MYH1: variants seen among roughly 807,000 people sequenced by gnomAD.
MYH1 encodes the protein myosin-1.
Under a neutral mutation model 225.6 loss-of-function variants are expected in MYH1, and 214 were observed. That is an observed-to-expected ratio of 0.95 (90% CI 0.85 to 1.06). The LOEUF is 1.06. MYH1 is among the 50% of genes least tolerant of loss of function. The probability of loss-of-function intolerance (pLI) is 0.00; values close to 1 mark genes in which losing one functional copy is unlikely to be tolerated. For missense variants in MYH1, 2,098 were observed against 2,344.2 expected, an observed-to-expected ratio of 0.89 and a Z score of 2.17; for synonymous variants, 774 against 842.3, an observed-to-expected ratio of 0.92 and a Z score of 1.40.
chr17:10,503,224 C>T lies in MYH1; in HGVS notation c.2716G>A (p.Glu906Lys). The change falls in exon 23 of 40, where the codon GAG (glutamate) becomes AAG (lysine). Residue 906 changes from glutamate to lysine, a missense_variant. Glu to Lys is a moderately conservative substitution (Grantham distance 56). Coordinates refer to ENST00000226207, the MANE Select transcript of MYH1 (RefSeq NM_005963.4). ...TTGATTAGCTGGTCACACCTTTCCTCTGCATCAGCCAAGCTGTCAGCTTCC... is the reference window on the plus strand; with the variant it reads ...TTGATTAGCTGGTCACACCTTTCCTTTGCATCAGCCAAGCTGTCAGCTTCC... Reference protein sequence around the residue: ...QAEADSLADAEERCDQLIKTK... With the variant: ...QAEADSLADAKERCDQLIKTK... The T allele has an allele frequency of 2.5e-6, 4 of 1,614,176 alleles. No homozygotes were observed. The highest frequency in any genetic ancestry group is 1.3e-5 in the African/African-American group (1 of 75,036).
rs1293026917 is a variant in MYH1, at chr17:10,496,172, T to C, written c.4966-19A>G. ...GGGTATCCTGTGGAACAAACCGTCA[T>C]TGAGACACCATGTATTCAGGGTTGC... is the stretch of plus-strand genomic sequence containing the variant. On this transcript the variant is annotated intron_variant, in intron 34 of 39. Coordinates refer to ENST00000226207, the MANE Select transcript of MYH1 (RefSeq NM_005963.4). 6.2e-7 allele frequency: 1 copy of C among 1,614,196 alleles called. No homozygotes were observed. Among genetic ancestry groups the C allele is most frequent in the South Asian group, 1.1e-5 (1 of 91,084 alleles).
Position 10,516,617 on chromosome 17 carries a change from A to G in MYH1, c.26T>C (p.Ile9Thr). 1 of 1,614,184 alleles carries G rather than the reference A, an allele frequency of 6.2e-7. No homozygotes were observed. Among genetic ancestry groups the G allele is most frequent in the Non-Finnish European group, 8.5e-7 (1 of 1,180,016 alleles). MSSDSEMA[I>T]FGEAAPFLRK... ...GAGGAAAGGAGCAGCCTCCCCAAAA[A>G]TGGCCATCTCAGAGTCGGAACTCAT... Residue 9 changes from isoleucine to threonine, a missense_variant, in exon 3 of 40, where the codon ATT (isoleucine) becomes ACT (threonine). By Grantham distance (89) the Ile-to-Thr change is moderately conservative (BLOSUM62 -1). Coordinates refer to ENST00000226207, the MANE Select transcript of MYH1 (RefSeq NM_005963.4).
At position 10,503,336 on chromosome 17, in the gene MYH1, A is replaced by G. The variant is rs966057027; in HGVS notation, c.2692-88T>C. The G allele has an allele frequency of 5.2e-6, 8 of 1,534,584 alleles. No individual in the cohort carries two copies. In the Admixed American group the frequency reaches 1.0e-4, roughly 19 times the overall value. On this transcript the variant is annotated intron_variant, in intron 22 of 39. Coordinates refer to ENST00000226207, the MANE Select transcript of MYH1 (RefSeq NM_005963.4). ...TAATATTTTGAAACCAAACAAGTAA[A>G]TTGTTTTAAGCCTTCAGGTTAATTT...
rs557407807 is a variant in MYH1 at position 10,507,167 on chromosome 17, G to A, written c.1968+719C>T. ...CAACCTCTGCCTCCTGGGTTCAAGC[G>A]ATTCTCATGCCCAGCCTCCTGAGTA... On this transcript the variant is annotated intron_variant, in intron 17 of 39. Transcript: ENST00000226207. Among the ~76,000 whole-genome samples, 59 of 152,102 alleles carry A rather than the reference G, an allele frequency of 3.9e-4. 1 individual carries two copies. Among genetic ancestry groups the A allele is most frequent in the Admixed American group, 4.6e-4 (7 of 15,286 alleles).
chr17:10,510,188 T>C (rs1446008674), intron 14 of MYH1, among the ~76,000 whole-genome samples: 1 of 152,146 alleles, frequency 6.6e-6, no homozygotes, highest in Non-Finnish European at 1.5e-5. Context: ...ATAGTATTTG[T>C]TTTTGTTAGT....
In MYH1 at chr17:10,508,087, C is replaced by T. The variant is rs1214360961; in HGVS notation, c.1898-131G>A. ...AGGCTGGAGTGCAGTGGCGTGATCT[C>T]GGCTCACTGCAACCTCCACCTCCTG... On this transcript the variant is annotated intron_variant, in intron 16 of 39. Transcript: ENST00000226207. 6.6e-6 allele frequency: 5 copies of T among 754,198 alleles called. No individual in the cohort carries two copies. The African/African-American group carries it at 7.2e-5, about 11-fold the overall frequency. The allele number at this position is 754,198 out of a possible 1,614,324, so 46.7% of individuals were successfully genotyped here.
chr17:10,500,714 T>C lies in MYH1; in HGVS notation c.3777A>G (p.Gln1259=), dbSNP rs2073044892. 33 of 1,614,184 alleles carry C rather than the reference T, an allele frequency of 2.0e-5. No homozygotes were observed. Among genetic ancestry groups the C allele is most frequent in the Non-Finnish European group, 2.8e-5 (33 of 1,180,034 alleles). The part of the protein sequence containing the change: ...LEKMCRALED[Q]LSEIKTKEEE... ...CTTCCTTGGTCTTAATTTCACTCAG[T>C]TGATCTTCTAGAGCGCGGCACATCT... The change falls in exon 28 of 40, where the codon CAA becomes CAG. Residue 1259 remains glutamine, a synonymous_variant. Transcript: ENST00000226207.
intron 14 of MYH1, 80 bp downstream of exon 14, chr17:10,511,759 G>T: frequency 6.2e-7 from 1 of 1,603,568 alleles, no homozygotes; most frequent in South Asian, 1.1e-5. Context: ...TTCCATAAGT[G>T]ACTACAGGCA....
rs200741359 is a variant in MYH1 at position 10,501,151 on chromosome 17, C to G, written c.3697G>C (p.Asp1233His). ...GTCTCCATGTTACTAGCAAGGTCATCGATCTCCATCTTCATCTCACTCTTC... is the reference window on the plus strand; with the variant it reads ...GTCTCCATGTTACTAGCAAGGTCATGGATCTCCATCTTCATCTCACTCTTC... ...KEKSEMKMEIDDLASNMETVS... is the reference protein window; with the variant it reads ...KEKSEMKMEIHDLASNMETVS... Residue 1233 changes from aspartate (D) to histidine (H), a missense_variant, in exon 27 of 40, where the codon GAT (aspartate) becomes CAT (histidine). Coordinates refer to ENST00000226207, the MANE Select transcript of MYH1 (RefSeq NM_005963.4). 1.9e-6 allele frequency: 3 copies of G among 1,614,144 alleles called. No individual in the cohort carries two copies. Among genetic ancestry groups the G allele is most frequent in the East Asian group, 4.5e-5 (2 of 44,890 alleles).
Position 10,495,337 on chromosome 17 carries a change from T to C in MYH1, c.5170-20A>G, listed in dbSNP as rs1458960233. The C allele has an allele frequency of 6.2e-7, 1 of 1,613,930 alleles. No individual in the cohort carries two copies. Among genetic ancestry groups the C allele is most frequent in the South Asian group, 1.1e-5 (1 of 91,062 alleles). On this transcript the variant is annotated intron_variant, in intron 35 of 39. Transcript: ENST00000226207. Reference sequence around the variant, plus strand: ...GGTGTTCTGTTTAAAATGTGAAATTTAGAAATATTAGGCACATGAGAGAAA... The same window carrying C: ...GGTGTTCTGTTTAAAATGTGAAATTCAGAAATATTAGGCACATGAGAGAAA...
chr17:10,509,776 A>G, intron 14 of MYH1, 121 bp from the exon 15 acceptor site: 1 of 1,536,910 alleles, frequency 6.5e-7, no homozygotes, highest in Non-Finnish European at 8.9e-7. Flanking sequence ...TCCTACCTAT[A>G]CCTACACAAT....
intron 24 of MYH1, 71 bp downstream of exon 24, chr17:10,502,667 C>A: frequency 1.2e-5 from 20 of 1,607,280 alleles, no homozygotes; most frequent in Non-Finnish European, 1.6e-5. Flanking sequence ...TATATCATAA[C>A]GACACAAACT....
chr17:10,501,791 G>A lies in MYH1; in HGVS notation c.3232C>T (p.Gln1078Ter). The A allele has an allele frequency of 6.2e-7, 1 of 1,613,632 alleles. No individual in the cohort carries two copies. Among genetic ancestry groups the A allele is most frequent in the Admixed American group, 1.7e-5 (1 of 59,970 alleles). ...ESTMDIENDK[Q>*]QLDEKLKKKE... Reference sequence around the variant, plus strand: ...TTTTTAAGCTTTTCATCAAGTTGTTGTTTGTCATTTTCTATATCCATTGTG... The same window carrying A: ...TTTTTAAGCTTTTCATCAAGTTGTTATTTGTCATTTTCTATATCCATTGTG... The change falls in exon 25 of 40, where the codon CAA becomes TAA. Residue 1078 changes from glutamine (Q) to a stop codon, truncating the protein, a stop_gained. Coordinates refer to ENST00000226207, the MANE Select transcript of MYH1 (RefSeq NM_005963.4). LOFTEE classifies it high-confidence loss of function.
At chr17:10,507,822 C>A in intron 17 of MYH1, 64 bp downstream of exon 17, 1 of 1,412,528 alleles carries the variant, frequency 7.1e-7, no homozygotes, top group Non-Finnish European at 9.9e-7. Flanking sequence ...TAGTTTTTTC[C>A]CCCACACCAT....
Position 10,508,560 on chromosome 17 carries a change from T to C in MYH1, c.1700A>G (p.Gln567Arg), listed in dbSNP as rs138632167. The C allele has an allele frequency of 9.3e-6, 15 of 1,614,086 alleles. No homozygotes were observed. The highest frequency in any genetic ancestry group is 1.1e-5 in the Non-Finnish European group (13 of 1,180,044). Residue 567 changes from glutamine (Q) to arginine (R), a missense_variant, in exon 16 of 40, where the codon CAG becomes CGG. Coordinates refer to ENST00000226207, the MANE Select transcript of MYH1 (RefSeq NM_005963.4). ...CTTGCCTTTGGCAGGCTTGGGCTTC[T>C]GGAAGTTATTGGATTTTCCAAGATG... Reference protein sequence around the residue: ...EQHLGKSNNFQKPKPAKGKPE... With the variant: ...EQHLGKSNNFRKPKPAKGKPE...
Position 10,501,855 on chromosome 17 carries a change from CTT to C in MYH1, c.3166_3167del (p.Lys1056GlufsTer20), listed in dbSNP as rs1239251841. 1.2e-6 allele frequency: 2 copies of C among 1,613,598 alleles called. No homozygotes were observed. Among genetic ancestry groups the C allele is most frequent in the African/African-American group, 2.7e-5 (2 of 75,036 alleles). On this transcript the variant is annotated frameshift_variant, in exon 25 of 40. Coordinates refer to ENST00000226207, the MANE Select transcript of MYH1 (RefSeq NM_005963.4). LOFTEE classifies it high-confidence loss of function. ...KKIRMDLERA[K>X]RKLEGDLKLA... Reference sequence around the variant, plus strand: ...ATTTTAGGTCTCCCTCTAGTTTTCTCTTTGCTCTTTCTAGATCCATCCGGATT... The same window carrying C: ...ATTTTAGGTCTCCCTCTAGTTTTCTCTGCTCTTTCTAGATCCATCCGGATT...
chr17:10,515,309 C>T (rs1175100081), intron 5 of MYH1, among the ~76,000 whole-genome samples: 1 of 152,124 alleles, frequency 6.6e-6, no homozygotes, highest in Non-Finnish European at 1.5e-5. Flanking sequence ...GCCCTAACTT[C>T]GATCAGCCTT....
rs756672201 is a variant in MYH1 at position 10,504,839 on chromosome 17, T to C, written c.2662A>G (p.Lys888Glu). The change falls in exon 22 of 40, where the codon AAA becomes GAA. Residue 888 changes from lysine (K) to glutamate (E), a missense_variant. By Grantham distance (56) the Lys-to-Glu change is moderately conservative. Transcript: ENST00000226207. ...EEKMVTLMQEKNDLQLQVQAE... is the reference protein window; with the variant it reads ...EEKMVTLMQEENDLQLQVQAE... ...TGAACCTGGAGTTGCAAGTCATTTTTTTCTTGCATCAGAGTAACCATTTTT... is the reference window on the plus strand; with the variant it reads ...TGAACCTGGAGTTGCAAGTCATTTTCTTCTTGCATCAGAGTAACCATTTTT... 12 of 1,614,076 alleles carry C rather than the reference T, an allele frequency of 7.4e-6. No homozygotes were observed. The South Asian group carries it at 1.2e-4, about 16-fold the overall frequency.
chr17:10,505,558 G>T (rs2073103348), intron 19 of MYH1, 47 bp from the exon 20 acceptor site: 7 of 1,601,156 alleles, frequency 4.4e-6, no homozygotes, highest in Non-Finnish European at 6.0e-6. Flanking sequence ...CCACAGACAA[G>T]AAATCTTCCT....
Sources: allele counts gnomAD v4.1 joint callset (sites outside exome capture counted in the v4.1 genomes callset), GRCh38; gene constraint gnomAD v4.1.1; transcripts MANE v1.5; gene names NCBI Gene and HGNC (gene_info 2026-07-23, HGNC 2026-07-21).